The following RHOT1 variants were observed in gnomAD, a reference collection of about 807,000 sequenced individuals.
RHOT1 encodes ras homolog family member T1.
A neutral mutation model predicts 95.3 loss-of-function variants in RHOT1; 27 were observed. The observed-to-expected ratio is 0.28, with a 90% CI of 0.21 to 0.39. RHOT1 has a LOEUF of 0.39. Ranked by LOEUF, RHOT1 falls within the 10% of genes least tolerant of loss-of-function variation. RHOT1 has a pLI of 1.00. For missense variants in RHOT1, 578 were observed against 786.7 expected (o/e 0.73, Z 3.17); for synonymous variants, 227 against 263.5 (o/e 0.86, Z 1.34).
At chr17:32,145,076 C>T (rs2031098321) in intron 1 of RHOT1, among the ~76,000 whole-genome samples, 1 of 152,052 alleles carries the variant, frequency 6.6e-6, no homozygotes, top group African/African-American at 2.4e-5. Context: ...GTGGGCAGAT[C>T]ACCTGAGGTC....
chr17:32,154,389 G>A (rs2032702355), intron 1 of RHOT1, among the ~76,000 whole-genome samples: 1 of 150,838 alleles, frequency 6.6e-6, no homozygotes. Context: ...GACCATCCTG[G>A]CTAACACAGT....
rs1397757106 is a variant in RHOT1 at position 32,202,850 on chromosome 17, A to T, written c.1282A>T (p.Asn428Tyr). 5.6e-5 allele frequency: 90 copies of T among 1,613,394 alleles called. No individual in the cohort carries two copies. The highest frequency in any genetic ancestry group is 7.3e-5 in the Non-Finnish European group (86 of 1,179,720). ...VFRCNVIGVK[N>Y]CGKSGVLQAL... ...CAGATGTAATGTAATTGGAGTGAAAAACTGTGGGAAAAGTGGAGTTCTTCA... is the reference window on the plus strand; with the variant it reads ...CAGATGTAATGTAATTGGAGTGAAATACTGTGGGAAAAGTGGAGTTCTTCA... The change falls in exon 15 of 20, where the codon AAC becomes TAC. Residue 428 changes from asparagine (N) to tyrosine (Y), a missense_variant. Physicochemically the swap from Asn to Tyr is moderately radical, Grantham distance 143. Transcript: ENST00000545287.
intron 6 of RHOT1, among the ~76,000 whole-genome samples, chr17:32,180,274 G>T (rs1442385749): frequency 6.6e-6 from 1 of 152,150 alleles, no homozygotes; most frequent in Non-Finnish European, 1.5e-5. Context: ...TGTGTAGAAA[G>T]AAGTAGATAT....
intron 18 of RHOT1, chr17:32,209,274 C>T (rs898154312): frequency 4.4e-6 from 3 of 689,014 alleles, no homozygotes; most frequent in African/African-American, 3.7e-5. Context: ...ACAAGTCATT[C>T]CTATTATTAT....
At chr17:32,214,975 C>T (rs182950991) in intron 19 of RHOT1, among the ~76,000 whole-genome samples, 95 of 133,884 alleles carry the variant, frequency 7.1e-4, no homozygotes, top group African/African-American at 2.5e-3. Context: ...GGCATGATCT[C>T]GGCTCACTGC....
intron 1 of RHOT1, among the ~76,000 whole-genome samples, chr17:32,162,987 TAAAC>T (rs1360392667): frequency 6.6e-6 from 1 of 152,152 alleles, no homozygotes; most frequent in Non-Finnish European, 1.5e-5. Context: ...TGTTTGCACT[TAAAC>T]AATGCAGAAT....
At chr17:32,149,635 A>ATGTGTGTGTGTGTGTGTGTGTGTGTGTG (rs1300585666) in intron 1 of RHOT1, among the ~76,000 whole-genome samples, 29 of 59,064 alleles carry the variant, frequency 4.9e-4, no homozygotes, top group Admixed American at 6.6e-4. Context: ...ATATATATAT[A>ATGTGTGTGTGTGTGTGTGTGTGTGTGTG]TGTGTGTGTG....
At chr17:32,194,612 C>T (rs1450179504) in intron 11 of RHOT1, among the ~76,000 whole-genome samples, 1 of 152,020 alleles carries the variant, frequency 6.6e-6, no homozygotes, top group East Asian at 1.9e-4. Context: ...CTCTTCTTGT[C>T]GAGACTACAA....
At chr17:32,223,907 C>G (rs1028422770) in intron 19 of RHOT1, among the ~76,000 whole-genome samples, 1 of 152,144 alleles carries the variant, frequency 6.6e-6, no homozygotes, top group African/African-American at 2.4e-5. Flanking sequence ...TGTCCCTGTT[C>G]TTGTCATGCA....
intron 16 of RHOT1, among the ~76,000 whole-genome samples, chr17:32,205,702 G>A (rs1446139915): frequency 6.6e-6 from 1 of 152,172 alleles, no homozygotes; most frequent in African/African-American, 2.4e-5. Flanking sequence ...CACTTTGGGA[G>A]GCCGAGGCGG....
At chr17:32,206,513 G>T (rs1400607175) in intron 16 of RHOT1, among the ~76,000 whole-genome samples, 1 of 135,904 alleles carries the variant, frequency 7.4e-6, no homozygotes, top group South Asian at 2.3e-4. Flanking sequence ...GTGCAGTGGC[G>T]CAATCTCTGC....
intron 1 of RHOT1, among the ~76,000 whole-genome samples, chr17:32,149,631 ATATATGTG>A (rs1356421377): frequency 6.8e-4 from 60 of 88,112 alleles, no homozygotes; most frequent in Non-Finnish European, 1.2e-3. Flanking sequence ...ATATATATAT[ATATATGTG>A]TGTGTGTGTG....
chr17:32,160,805 T>G (rs1303292320), intron 1 of RHOT1, among the ~76,000 whole-genome samples: 1 of 152,176 alleles, frequency 6.6e-6, no homozygotes, highest in African/African-American at 2.4e-5. Context: ...CCCTCACCAC[T>G]TTGTGCCTGG....
intron 1 of RHOT1, among the ~76,000 whole-genome samples, chr17:32,168,546 T>A (rs555308619): frequency 6.6e-5 from 10 of 151,644 alleles, no homozygotes; most frequent in African/African-American, 2.2e-4. Flanking sequence ...AGTGCTGGAA[T>A]TACAGGCATG....
At chr17:32,215,515 ATAT>A (rs1988602917) in intron 19 of RHOT1, among the ~76,000 whole-genome samples, 1 of 152,074 alleles carries the variant, frequency 6.6e-6, no homozygotes, top group Admixed American at 6.5e-5. Context: ...ATCTTTCTAA[ATAT>A]TATTTCTCTA....
At chr17:32,222,649 G>C (rs2038903767) in intron 19 of RHOT1, among the ~76,000 whole-genome samples, 1 of 152,058 alleles carries the variant, frequency 6.6e-6, no homozygotes, top group African/African-American at 2.4e-5. Flanking sequence ...CCATCATATA[G>C]GGTGGCAACT....
intron 5 of RHOT1, 27 bp from the exon 6 acceptor site, chr17:32,176,134 C>G (rs2034983065): frequency 6.2e-7 from 1 of 1,606,924 alleles, no homozygotes; most frequent in Non-Finnish European, 8.5e-7. Flanking sequence ...CTTATCATGG[C>G]TAAGCGCTTG....
At chr17:32,194,742 C>T (rs759048444) in intron 11 of RHOT1, among the ~76,000 whole-genome samples, 3 of 151,908 alleles carry the variant, frequency 2.0e-5, no homozygotes, top group Non-Finnish European at 4.4e-5. Flanking sequence ...CATTGTTCTT[C>T]TCCCTCAGTT....
In RHOT1 at chr17:32,175,335, T is replaced by A. The variant is rs754527260; in HGVS notation, c.195T>A (p.Asp65Glu). ...IVDYSEAEQS[D>E]EQLHQEISQA... is the part of the protein sequence containing the mutation. ...CATTTGTAGAAGCAGAACAGAGTGATGAACAACTTCATCAAGAAATATCTC... is the reference window on the plus strand; with the variant it reads ...CATTTGTAGAAGCAGAACAGAGTGAAGAACAACTTCATCAAGAAATATCTC... The change falls in exon 4 of 20, where the codon GAT becomes GAA. Residue 65 changes from aspartate to glutamate, a missense_variant. Coordinates refer to ENST00000545287, the MANE Select transcript of RHOT1 (RefSeq NM_001033566.3). 7 of 1,613,788 alleles carry A rather than the reference T, an allele frequency of 4.3e-6. No homozygotes were observed. The highest frequency in any genetic ancestry group is 5.1e-6 in the Non-Finnish European group (6 of 1,179,784).
Sources: gnomAD v4.1 joint callset for allele counts (sites outside exome capture counted in the v4.1 genomes callset) on GRCh38, gnomAD v4.1.1 for gene constraint, MANE v1.5 for transcripts, NCBI Gene and HGNC (gene_info 2026-07-23, HGNC 2026-07-21) for gene names.